RSU1: variants seen among roughly 807,000 people sequenced by gnomAD.
The protein encoded by RSU1 is Ras suppressor protein 1, also known as rsu-1.
In RSU1, 26 loss-of-function variants were observed where a neutral mutation model predicts 31.1. That is an observed-to-expected ratio of 0.84 (90% CI 0.61 to 1.16). The LOEUF is 1.16. Among genes scored for constraint, RSU1 ranks in the 50% most tolerant of loss-of-function variants. RSU1 has a pLI of 0.00. For synonymous variants in RSU1, 164 were observed against 136.3 expected (o/e 1.20, Z -1.41); for missense variants, 320 against 339.1 (o/e 0.94, Z 0.44).
intron 8 of RSU1, among the ~76,000 whole-genome samples, chr10:16,673,897 C>T (rs1835170454): frequency 6.6e-6 from 1 of 152,152 alleles, no homozygotes; most frequent in Non-Finnish European, 1.5e-5. Context: ...GCCTCCCCTC[C>T]CCTCTCCTCT....
At chr10:16,686,168 T>A (rs537151025) in intron 8 of RSU1, among the ~76,000 whole-genome samples, 2 of 152,246 alleles carry the variant, frequency 1.3e-5, no homozygotes, top group South Asian at 4.2e-4. Flanking sequence ...CTGGCCAGGA[T>A]AAGAAACCAG....
At chr10:16,637,764 G>C (rs1834370471) in intron 8 of RSU1, among the ~76,000 whole-genome samples, 1 of 151,238 alleles carries the variant, frequency 6.6e-6, no homozygotes, top group African/African-American at 2.4e-5. Context: ...CTTAAAATGA[G>C]AACTCAAGAC....
intron 7 of RSU1, among the ~76,000 whole-genome samples, chr10:16,723,654 A>G (rs186203276): frequency 1.3e-5 from 2 of 152,342 alleles, no homozygotes; most frequent in African/African-American, 4.8e-5. Flanking sequence ...TTCTGAGTTA[A>G]TCAGCCTCCA....
At chr10:16,701,953 T>C (rs1041022180) in intron 7 of RSU1, among the ~76,000 whole-genome samples, 3 of 152,256 alleles carry the variant, frequency 2.0e-5, no homozygotes, top group African/African-American at 7.2e-5. Flanking sequence ...ATTTATGTTT[T>C]AAACCTGGCA....
intron 7 of RSU1, among the ~76,000 whole-genome samples, chr10:16,695,834 T>G (rs999328854): frequency 6.6e-6 from 1 of 152,174 alleles, no homozygotes; most frequent in Non-Finnish European, 1.5e-5. Flanking sequence ...AAAGCCAGCA[T>G]GAAGATTTCA....
intron 7 of RSU1, among the ~76,000 whole-genome samples, chr10:16,715,418 A>G (rs1301798004): frequency 6.6e-6 from 1 of 152,172 alleles, no homozygotes; most frequent in African/African-American, 2.4e-5. Flanking sequence ...AATTTCCCCT[A>G]AAATTTTTAT....
intron 7 of RSU1, among the ~76,000 whole-genome samples, chr10:16,744,146 G>A (rs60871885): frequency 1.4e-4 from 20 of 147,438 alleles, no homozygotes; most frequent in Middle Eastern, 3.4e-3. Context: ...AAAAAAAAAA[G>A]AAAGAAAGAA....
At chr10:16,763,829 A>T (rs567593047) in intron 4 of RSU1, among the ~76,000 whole-genome samples, 1 of 152,156 alleles carries the variant, frequency 6.6e-6, no homozygotes, top group Non-Finnish European at 1.5e-5. Flanking sequence ...ACAAAAATAG[A>T]TTATCATTAT....
At chr10:16,814,708 T>C (rs1380383216) in intron 2 of RSU1, among the ~76,000 whole-genome samples, 1 of 152,162 alleles carries the variant, frequency 6.6e-6, no homozygotes, top group Non-Finnish European at 1.5e-5. Context: ...AATCTCCAAA[T>C]TCACTTCCAC....
chr10:16,779,344 C>A (rs151308552), intron 3 of RSU1, among the ~76,000 whole-genome samples: 25 of 152,334 alleles, frequency 1.6e-4, no homozygotes, highest in African/African-American at 6.0e-4. Context: ...ACAGATCCCA[C>A]TTTCAGCTTC....
chr10:16,789,121 G>A (rs895259589), intron 2 of RSU1, among the ~76,000 whole-genome samples: 2 of 152,192 alleles, frequency 1.3e-5, no homozygotes, highest in Non-Finnish European at 2.9e-5. Flanking sequence ...ATTTAATGAG[G>A]GAAAACTGGT....
At chr10:16,759,486 G>T (rs1470952417) in intron 4 of RSU1, among the ~76,000 whole-genome samples, 1 of 152,150 alleles carries the variant, frequency 6.6e-6, no homozygotes, top group Non-Finnish European at 1.5e-5. Context: ...CAGCCTGGGT[G>T]ACAGAGTGAG....
At chr10:16,728,226 C>T (rs968944406) in intron 7 of RSU1, among the ~76,000 whole-genome samples, 1 of 152,216 alleles carries the variant, frequency 6.6e-6, no homozygotes, top group East Asian at 1.9e-4. Flanking sequence ...GAAAAGCATG[C>T]CATTGCTGCT....
At chr10:16,674,152 T>C (rs1451364944) in intron 8 of RSU1, among the ~76,000 whole-genome samples, 1 of 152,168 alleles carries the variant, frequency 6.6e-6, no homozygotes, top group Non-Finnish European at 1.5e-5. Flanking sequence ...TGTTTTTGTT[T>C]TGTTCCCCTC....
chr10:16,748,875 C>T (rs995403295), intron 7 of RSU1, among the ~76,000 whole-genome samples: 1 of 152,106 alleles, frequency 6.6e-6, no homozygotes, highest in African/African-American at 2.4e-5. Context: ...CATTTTTTTC[C>T]CAGAGCTCTT....
intron 8 of RSU1, among the ~76,000 whole-genome samples, chr10:16,664,323 G>A (rs529924935): frequency 4.6e-5 from 7 of 152,252 alleles, no homozygotes; most frequent in Non-Finnish European, 7.4e-5. Flanking sequence ...ACTGATGATG[G>A]CTCTAGCTCT....
intron 8 of RSU1, among the ~76,000 whole-genome samples, chr10:16,614,207 T>C (rs535835107): frequency 1.6e-3 from 237 of 152,258 alleles, no homozygotes; most frequent in African/African-American, 5.2e-3. Context: ...AGGTATAACA[T>C]ATAAAAACTG....
At chr10:16,678,762 T>C (rs1265450818) in intron 8 of RSU1, among the ~76,000 whole-genome samples, 1 of 152,162 alleles carries the variant, frequency 6.6e-6, no homozygotes, top group African/African-American at 2.4e-5. Context: ...TCCCTGTCTC[T>C]TGCCATCCAG....
At chr10:16,783,016 T>C (rs55949958) in intron 2 of RSU1, among the ~76,000 whole-genome samples, 53,773 of 151,650 alleles carry the variant, frequency 0.35, 12,107 homozygotes, top group African/African-American at 0.65. Context: ...GTTCAAATGA[T>C]TCTCCTGCCT....
Sources: allele counts gnomAD v4.1 joint callset (sites outside exome capture counted in the v4.1 genomes callset), GRCh38; gene constraint gnomAD v4.1.1; transcripts MANE v1.5; gene names NCBI Gene and HGNC (gene_info 2026-07-23, HGNC 2026-07-21).